Variants in DLGAP4 observed in about 807,000 individuals in gnomAD.
The protein encoded by DLGAP4 is DLG associated protein 4.
DLGAP4 carries 18 observed loss-of-function variants against 86.9 expected under a neutral mutation model. That is an observed-to-expected ratio of 0.21 (90% CI 0.14 to 0.31). The LOEUF (loss-of-function observed/expected upper bound fraction) is 0.31. DLGAP4 is among the 10% of genes least tolerant of loss of function. DLGAP4 has a pLI of 1.00. For missense variants in DLGAP4, 1,085 were observed against 1,362.6 expected, an observed-to-expected ratio of 0.80 and a Z score of 3.21; for synonymous variants, 548 against 574.3, an observed-to-expected ratio of 0.95 and a Z score of 0.65.
intron 2 of DLGAP4, among the ~76,000 whole-genome samples, chr20:36,430,591 G>C (rs1193165079): frequency 1.3e-5 from 2 of 150,288 alleles, no homozygotes; most frequent in East Asian, 3.9e-4. Flanking sequence ...ACCAAGGCTG[G>C]AGGATCCCTT....
In DLGAP4 at chr20:36,431,022, G is replaced by A. The variant is rs2033115215; in HGVS notation, c.-72-624G>A. 6.6e-6 allele frequency among the ~76,000 whole-genome samples: 1 copy of A among 151,490 alleles called. No homozygotes were observed. The highest frequency in any genetic ancestry group is 1.5e-5 in the Non-Finnish European group (1 of 67,954). ...TCCATGTTTTTCCCCATAAGGCAAG[G>A]AGAGTTCAGGAGCCCTGGGGACATG... On this transcript the variant is annotated intron_variant, in intron 2 of 12. Coordinates refer to ENST00000339266, the MANE Select transcript of DLGAP4 (RefSeq NM_001365621.2). This position sits in a 1 kb window ranked among gnomAD's most constrained non-coding sequence, Gnocchi z 5.1.
chr20:36,477,346 C>T (rs2034993684), intron 7 of DLGAP4, among the ~76,000 whole-genome samples: 1 of 152,190 alleles, frequency 6.6e-6, no homozygotes, highest in African/African-American at 2.4e-5. Context: ...CCACCCGCCT[C>T]TGCCTCCCAA....
At position 36,413,589 on chromosome 20, in the gene DLGAP4, G is replaced by GT. The variant is rs1217549334; in HGVS notation, c.-72-18046dup. Reference sequence around the variant, plus strand: ...TGCCACCAGGCCCAGCTAATTTTTTGTTTTTTTTTTTAGTAGAGGTGGGGT... The same window carrying GT: ...TGCCACCAGGCCCAGCTAATTTTTTGTTTTTTTTTTTTAGTAGAGGTGGGGT... On this transcript the variant is annotated intron_variant, in intron 2 of 12. Transcript: ENST00000339266. Among the ~76,000 whole-genome samples the GT allele has an allele frequency of 7.1e-3, 993 of 139,104 alleles. 8 individuals are homozygous for GT. The highest frequency in any genetic ancestry group is 0.011 in the Non-Finnish European group (666 of 63,372). 91.3% of individuals were successfully genotyped at this position (139,104 alleles called of 152,430 possible). A position where few individuals can be genotyped will look rare whatever the true frequency, so the allele number is the denominator to read the frequency against.
intron 2 of DLGAP4, among the ~76,000 whole-genome samples, chr20:36,416,982 G>A (rs765811528): frequency 6.6e-6 from 1 of 152,164 alleles, no homozygotes; most frequent in Non-Finnish European, 1.5e-5. Context: ...TAGCACCAGG[G>A]ATAGAGTGGA....
At chr20:36,477,242 C>G (rs764900752) in intron 7 of DLGAP4, among the ~76,000 whole-genome samples, 1 of 151,526 alleles carries the variant, frequency 6.6e-6, no homozygotes, top group Non-Finnish European at 1.5e-5. Context: ...ATTACAGGCA[C>G]CCGCCACCAC....
chr20:36,333,475 G>A (rs1455336991), intron 1 of DLGAP4, among the ~76,000 whole-genome samples: 2 of 151,962 alleles, frequency 1.3e-5, no homozygotes, highest in Non-Finnish European at 2.9e-5. Flanking sequence ...TTCCAATGTC[G>A]CCTCCTCTCA....
intron 2 of DLGAP4, among the ~76,000 whole-genome samples, chr20:36,405,162 G>A (rs1041767481): frequency 4.6e-5 from 7 of 152,222 alleles, no homozygotes; most frequent in Non-Finnish European, 8.8e-5. Flanking sequence ...CAGGGCAGCC[G>A]GGGGAGGCCC....
chr20:36,386,668 T>C (rs2031609282), intron 2 of DLGAP4, among the ~76,000 whole-genome samples: 1 of 152,110 alleles, frequency 6.6e-6, no homozygotes, highest in Admixed American at 6.5e-5. Flanking sequence ...CACTACAGCC[T>C]CGACCTCCCA....
At chr20:36,464,615 C>T (rs1455667739) in intron 7 of DLGAP4, among the ~76,000 whole-genome samples, 3 of 151,906 alleles carry the variant, frequency 2.0e-5, no homozygotes, top group Admixed American at 6.6e-5. Context: ...TTTGGGAGGC[C>T]GAGGCGGGCA....
At position 36,308,291 on chromosome 20, in the gene DLGAP4, G is replaced by T. The variant is rs886868082; in HGVS notation, c.-304+1779G>T. ...AGGCCTGGTGAGGCCTGTGCTGGGC[G>T]CTGGGGAGTGCAATGGCTGACAGGG... On this transcript the variant is annotated intron_variant, in intron 1 of 12. Coordinates refer to ENST00000339266, the MANE Select transcript of DLGAP4 (RefSeq NM_001365621.2). This position sits in a 1 kb window ranked among gnomAD's most constrained non-coding sequence, Gnocchi z 4.5. Among the ~76,000 whole-genome samples, 1 of 152,222 alleles carries T rather than the reference G, an allele frequency of 6.6e-6. No individual in the cohort carries two copies. Among genetic ancestry groups the T allele is most frequent in the Admixed American group, 6.5e-5 (1 of 15,290 alleles).
At chr20:36,399,547 G>A (rs181049370) in intron 2 of DLGAP4, among the ~76,000 whole-genome samples, 228 of 152,358 alleles carry the variant, frequency 1.5e-3, no homozygotes, top group Middle Eastern at 3.4e-3. Flanking sequence ...CCAGCACTGG[G>A]GAGCTATGGG....
chr20:36,515,882 C>G (rs1009756477), intron 10 of DLGAP4, among the ~76,000 whole-genome samples: 1 of 152,234 alleles, frequency 6.6e-6, no homozygotes, highest in Non-Finnish European at 1.5e-5. Flanking sequence ...GTGATTTAAA[C>G]AAGACTGTTT....
intron 7 of DLGAP4, among the ~76,000 whole-genome samples, chr20:36,486,361 G>A (rs2035411297): frequency 6.6e-6 from 1 of 152,134 alleles, no homozygotes. Flanking sequence ...GGTCAGGGAG[G>A]CCCTCACTGA....
chr20:36,328,986 G>C (rs995987571), intron 1 of DLGAP4, among the ~76,000 whole-genome samples: 1 of 152,144 alleles, frequency 6.6e-6, no homozygotes, highest in Non-Finnish European at 1.5e-5. Context: ...ATATTGGCCA[G>C]GCTGGTCTTG....
At chr20:36,474,972 G>A (rs1055033286) in intron 7 of DLGAP4, among the ~76,000 whole-genome samples, 1 of 152,124 alleles carries the variant, frequency 6.6e-6, no homozygotes, top group Non-Finnish European at 1.5e-5. Flanking sequence ...AACCCTAAAG[G>A]AAACAAGTAG....
At chr20:36,512,300 G>A (rs1330049477) in intron 10 of DLGAP4, among the ~76,000 whole-genome samples, 5 of 151,760 alleles carry the variant, frequency 3.3e-5, no homozygotes, top group East Asian at 1.9e-4. Context: ...TCCGCCCACC[G>A]CAGCCTCCCA....
At chr20:36,465,571 T>A (rs988904432) in intron 7 of DLGAP4, among the ~76,000 whole-genome samples, 1 of 152,192 alleles carries the variant, frequency 6.6e-6, no homozygotes, top group Non-Finnish European at 1.5e-5. Flanking sequence ...GAGGGTTTTC[T>A]TGACATTTCC....
At chr20:36,477,156 G>A (rs555658899) in intron 7 of DLGAP4, among the ~76,000 whole-genome samples, 2 of 150,862 alleles carry the variant, frequency 1.3e-5, no homozygotes, top group African/African-American at 4.9e-5. Context: ...GAGTGCAGTG[G>A]CACAATTTCG....
chr20:36,338,290 A>G (rs1416464136), intron 1 of DLGAP4, among the ~76,000 whole-genome samples: 3 of 152,168 alleles, frequency 2.0e-5, no homozygotes, highest in African/African-American at 7.2e-5. Context: ...TGCCGGGCCC[A>G]TTGGCTCACG....
Sources: allele counts gnomAD v4.1 joint callset (sites outside exome capture counted in the v4.1 genomes callset), GRCh38; gene constraint gnomAD v4.1.1; non-coding constraint Gnocchi (gnomAD v3.1); transcripts MANE v1.5; gene names NCBI Gene and HGNC (gene_info 2026-07-23, HGNC 2026-07-21).